DNAH17: variants seen among roughly 807,000 people sequenced by gnomAD.
DNAH17 encodes axonemal beta dynein heavy chain 17.
In DNAH17, 376 loss-of-function variants were observed where a neutral mutation model predicts 485.6. The observed-to-expected ratio is 0.77, with a 90% CI of 0.71 to 0.84. The LOEUF is 0.84. DNAH17 is among the 40% of genes least tolerant of loss of function. The pLI is 0.00. For synonymous variants in DNAH17, 3,031 were observed against 2,405.9 expected (o/e 1.26, Z -7.60); for missense variants, 6,370 against 5,839.3 (o/e 1.09, Z -2.96).
At chr17:78,460,627 C>A (rs574696653) in intron 58 of DNAH17, among the ~76,000 whole-genome samples, 33 of 152,300 alleles carry the variant, frequency 2.2e-4, no homozygotes, top group African/African-American at 7.5e-4. Context: ...GACGCCTCTA[C>A]TCTGCCCCAC....
intron 36 of DNAH17, chr17:78,500,065 C>G: frequency 6.2e-6 from 3 of 483,784 alleles, no homozygotes; most frequent in Non-Finnish European, 7.3e-6. Context: ...AGGGTCACCT[C>G]CAGGGCAGGG....
At position 78,494,612 on chromosome 17, in the gene DNAH17, C is replaced by T. The variant is rs148957596; in HGVS notation, c.6251G>A (p.Arg2084Gln). The change falls in exon 40 of 81, where the codon CGG (arginine) becomes CAG (glutamine). Residue 2084 changes from arginine (R) to glutamine (Q), a missense_variant. Physicochemically the swap from Arg to Gln is conservative, Grantham distance 43 (BLOSUM62 1). Transcript: ENST00000389840. ...CCCGACCTTTTCAAAATTCAGGTCC[C>T]GTTTCCGAGGCACGTCCAGAGCCGG... ...LFPALDVPRK[R>Q]DLNFEKIIKQ... The T allele has an allele frequency of 1.3e-3, 2,150 of 1,613,764 alleles. 18 individuals carry two copies. The East Asian group carries it at 0.023, about 17-fold the overall frequency.
At chr17:78,461,998 C>T (rs566758717) in intron 57 of DNAH17, among the ~76,000 whole-genome samples, 1 of 152,094 alleles carries the variant, frequency 6.6e-6, no homozygotes, top group African/African-American at 2.4e-5. Context: ...GAGTGAGACC[C>T]TGTCTGTATA....
chr17:78,437,928 G>A (rs910057076), intron 73 of DNAH17, 60 bp from the exon 74 acceptor site: 6 of 1,318,560 alleles, frequency 4.6e-6, no homozygotes, highest in Admixed American at 3.8e-5. Flanking sequence ...CACGAGGAGA[G>A]ACTGGCACGT....
At chr17:78,462,786 C>A in intron 57 of DNAH17, 58 bp downstream of exon 57, 2 of 1,563,272 alleles carry the variant, frequency 1.3e-6, no homozygotes, top group Non-Finnish European at 1.7e-6. Context: ...ACAGTAGCAG[C>A]TCCTGCGAGG....
intron 57 of DNAH17, 54 bp downstream of exon 57, chr17:78,462,790 T>C: frequency 6.3e-7 from 1 of 1,580,030 alleles, no homozygotes; most frequent in Non-Finnish European, 8.6e-7. Flanking sequence ...TAGCAGCTCC[T>C]GCGAGGCCTC....
chr17:78,530,559 G>A (rs192079141), intron 20 of DNAH17, 47 bp from the exon 21 acceptor site: 32 of 1,565,676 alleles, frequency 2.0e-5, no homozygotes, highest in Middle Eastern at 3.4e-4. Context: ...GCAAGCCTAG[G>A]GGGGGCGTCA....
chr17:78,451,190 T>C (rs2087534949), intron 66 of DNAH17, among the ~76,000 whole-genome samples: 1 of 152,246 alleles, frequency 6.6e-6, no homozygotes, highest in Non-Finnish European at 1.5e-5. Context: ...CTTTGGAGCT[T>C]AGAGCCCCCG....
intron 48 of DNAH17, among the ~76,000 whole-genome samples, chr17:78,481,651 T>C (rs911521748): frequency 6.6e-6 from 1 of 152,178 alleles, no homozygotes; most frequent in Non-Finnish European, 1.5e-5. Flanking sequence ...GTACCTGACA[T>C]ACAGTAAGTA....
intron 23 of DNAH17, 36 bp downstream of exon 23, chr17:78,526,844 C>A: frequency 6.4e-7 from 1 of 1,556,434 alleles, no homozygotes; most frequent in Non-Finnish European, 8.7e-7. Flanking sequence ...CACGCTGCTC[C>A]CCGGAAATCC....
chr17:78,426,767 T>G (rs913168828), intron 78 of DNAH17, 159 bp downstream of exon 78: 2 of 1,280,380 alleles, frequency 1.6e-6, no homozygotes, highest in Non-Finnish European at 2.2e-6. Flanking sequence ...ACGGTCTAGA[T>G]GAGCTCCCGG....
At chr17:78,457,253 C>A (rs907494311) in intron 62 of DNAH17, among the ~76,000 whole-genome samples, 1 of 152,140 alleles carries the variant, frequency 6.6e-6, no homozygotes, top group African/African-American at 2.4e-5. Flanking sequence ...CATCTGTGGT[C>A]CCATCTACTT....
At chr17:78,471,101 C>A (rs1483422659) in intron 54 of DNAH17, among the ~76,000 whole-genome samples, 2 of 152,186 alleles carry the variant, frequency 1.3e-5, no homozygotes, top group East Asian at 3.8e-4. Flanking sequence ...AAAAACAAGA[C>A]CTATGGGCTT....
At chr17:78,451,116 C>T (rs965439047) in intron 66 of DNAH17, among the ~76,000 whole-genome samples, 22 of 152,240 alleles carry the variant, frequency 1.4e-4, no homozygotes, top group Non-Finnish European at 2.8e-4. Context: ...ATGCAAGTGG[C>T]TATAACAGCC....
At chr17:78,571,925 C>T (rs1245590095) in intron 3 of DNAH17, 143 bp from the exon 4 acceptor site, 3 of 745,480 alleles carry the variant, frequency 4.0e-6, no homozygotes, top group South Asian at 1.9e-5. Context: ...TGCCTCCAGC[C>T]ACCTCGGGGA....
At position 78,486,020 on chromosome 17, in the gene DNAH17, CTTT is replaced by C. The variant is rs758762236; in HGVS notation, c.7212_7214del (p.Lys2405del). 1 of 1,613,940 alleles carries C rather than the reference CTTT, an allele frequency of 6.2e-7. No homozygotes were observed. The highest frequency in any genetic ancestry group is 1.7e-5 in the Admixed American group (1 of 60,024). The stretch of plus-strand genomic sequence containing the variant: ...GCACTTTATCTGTCCAGGGCAGGAA[CTTT>C]TTTGTGTCAGGATCAATGTAGTAGT... On this transcript the variant is annotated inframe_deletion, in exon 46 of 81. Transcript: ENST00000389840.
rs564519900 is a variant in DNAH17 at position 78,455,555 on chromosome 17, G to A, written c.10170+89C>T. ...TTGGCCAGGCTGCTCATGAACTCCT[G>A]GCCTCAAGTAATCCGCCCGCCTCGG... On this transcript the variant is annotated intron_variant, in intron 63 of 80. Coordinates refer to ENST00000389840, the MANE Select transcript of DNAH17 (RefSeq NM_173628.4). The A allele has an allele frequency of 2.3e-5, 23 of 994,262 alleles. No homozygotes were observed. In the Admixed American group the frequency reaches 4.6e-4, roughly 20 times the overall value. The allele number at this position is 994,262 out of a possible 1,614,324, so 61.6% of individuals were successfully genotyped here. A position where few individuals can be genotyped will look rare whatever the true frequency, so the allele number is the denominator to read the frequency against.
intron 37 of DNAH17, chr17:78,496,690 A>C (rs1325666913): frequency 1.7e-5 from 1 of 58,922 alleles, no homozygotes; most frequent in Non-Finnish European, 3.6e-5. Flanking sequence ...TTTTTTTTTT[A>C]AGACTGAGTG....
At chr17:78,460,034 A>G in intron 59 of DNAH17, 33 bp from the exon 60 acceptor site, 1 of 1,609,624 alleles carries the variant, frequency 6.2e-7, no homozygotes, top group Non-Finnish European at 8.5e-7. Context: ...GTCCGATGGG[A>G]GTTTGGACCG....
Sources: gnomAD v4.1 joint callset for allele counts (sites outside exome capture counted in the v4.1 genomes callset) on GRCh38, gnomAD v4.1.1 for gene constraint, MANE v1.5 for transcripts, NCBI Gene and HGNC (gene_info 2026-07-23, HGNC 2026-07-21) for gene names.